Variants in FDX1 observed in about 807,000 individuals in gnomAD.
FDX1 encodes adrenodoxin, mitochondrial.
Under a neutral mutation model 14.9 loss-of-function variants are expected in FDX1, and 9 were observed. The observed-to-expected ratio is 0.60, with a 90% CI of 0.36 to 1.05. The LOEUF (loss-of-function observed/expected upper bound fraction) is 1.05, where lower values mean the gene tolerates loss of function less well. Ranked by LOEUF, FDX1 falls within the 50% of genes least tolerant of loss-of-function variation. The pLI, the probability that FDX1 is intolerant of heterozygous loss-of-function variation, is 0.01. For missense variants in FDX1, 204 were observed against 237.2 expected, an observed-to-expected ratio of 0.86 and a Z score of 0.92; for synonymous variants, 92 against 99.4, an observed-to-expected ratio of 0.93 and a Z score of 0.44.
Position 110,457,037 on chromosome 11 carries a change from C to T in FDX1, c.430C>T (p.Leu144=), listed in dbSNP as rs146914687. ...TGACATGCTCGATCTGGCATATGGA[C>T]TAACAGACAGGTAAGATTTTTGGAC... is the stretch of plus-strand genomic sequence containing the variant. The part of the protein sequence containing the change: ...ENDMLDLAYG[L]TDRSRLGCQI... Residue 144 remains leucine (L), a synonymous_variant, in exon 3 of 4, where the codon CTA becomes TTA. Coordinates refer to ENST00000260270, the MANE Select transcript of FDX1 (RefSeq NM_004109.5). 174 of 1,609,810 alleles carry T rather than the reference C, an allele frequency of 1.1e-4. No individual in the cohort carries two copies. The highest frequency in any genetic ancestry group is 1.4e-5 in the Non-Finnish European group (17 of 1,177,480).
At chr11:110,444,687 CGTAT>C (rs1422422369) in intron 2 of FDX1, among the ~76,000 whole-genome samples, 1 of 29,530 alleles carries the variant, frequency 3.4e-5, no homozygotes, top group African/African-American at 2.1e-4. Context: ...TATATATACA[CGTAT>C]ATATATATAT....
At chr11:110,453,146 G>A (rs770685936) in intron 2 of FDX1, among the ~76,000 whole-genome samples, 1 of 152,122 alleles carries the variant, frequency 6.6e-6, no homozygotes, top group Non-Finnish European at 1.5e-5. Flanking sequence ...AGACCAGCCT[G>A]GACAACATGG....
intron 2 of FDX1, among the ~76,000 whole-genome samples, chr11:110,449,809 G>A (rs1007673828): frequency 1.3e-5 from 2 of 152,076 alleles, no homozygotes; most frequent in Admixed American, 1.3e-4. Context: ...TGTATTTTTA[G>A]TAAAGATGGG....
intron 1 of FDX1, among the ~76,000 whole-genome samples, chr11:110,431,010 C>G (rs774889291): frequency 6.6e-6 from 1 of 151,860 alleles, no homozygotes; most frequent in Non-Finnish European, 1.5e-5. Flanking sequence ...TGTAGACCTC[C>G]TATGGTTAAT....
chr11:110,447,273 CAAAAAAAAAAAAAAAAAA>C (rs541827807), intron 2 of FDX1, among the ~76,000 whole-genome samples: 34,517 of 76,694 alleles, frequency 0.45, 4,988 homozygotes, highest in Admixed American at 0.55. Flanking sequence ...ACTAAAAATA[CAAAAAAAAAAAAAAAAAA>C]AAAAAAAAAA....
At chr11:110,432,388 C>T (rs1561923) in intron 1 of FDX1, among the ~76,000 whole-genome samples, 49,416 of 151,734 alleles carry the variant, frequency 0.33, 8,135 homozygotes, top group East Asian at 0.39. Context: ...GAAGTTTTTG[C>T]GGATTTTAAA....
Position 110,450,603 on chromosome 11 carries a change from T to C in FDX1, c.311-6315T>C, listed in dbSNP as rs182442938. Among the ~76,000 whole-genome samples, 6 of 152,356 alleles carry C rather than the reference T, an allele frequency of 3.9e-5. No homozygotes were observed. The East Asian group carries it at 1.2e-3, about 29-fold the overall frequency. ...ACATAGTAATGAAAAGAATTTTACA[T>C]CAAACATTTGTTCTACTTAAGTATA... On this transcript the variant is annotated intron_variant, in intron 2 of 3. Transcript: ENST00000260270.
chr11:110,453,127 A>T (rs1197687692), intron 2 of FDX1, among the ~76,000 whole-genome samples: 6 of 152,108 alleles, frequency 3.9e-5, no homozygotes, highest in African/African-American at 1.4e-4. Context: ...ACCTGAGGTC[A>T]GGAGTTTGAG....
Position 110,451,509 on chromosome 11 carries a change from A to G in FDX1, c.311-5409A>G, listed in dbSNP as rs148893827. Among the ~76,000 whole-genome samples the G allele has an allele frequency of 4.4e-3, 677 of 152,298 alleles. 6 individuals are homozygous for G. The highest frequency in any genetic ancestry group is 0.016 in the African/African-American group (646 of 41,566). ...GGTGGGAATGAAAATTAGTTCAACC[A>G]TTGTGGAAGACAGTGTGGTGATTCC... On this transcript the variant is annotated intron_variant, in intron 2 of 3. Coordinates refer to ENST00000260270, the MANE Select transcript of FDX1 (RefSeq NM_004109.5).
In FDX1 at chr11:110,432,818, A is replaced by T. The variant is rs1368052288; in HGVS notation, c.185+2513A>T. On this transcript the variant is annotated intron_variant, in intron 1 of 3. Transcript: ENST00000260270. ...AGGTTCCATACTCTTTCAACTTAAG[A>T]ATTACATTTTTCTTTCGTTTCCGCC... Among the ~76,000 whole-genome samples the T allele has an allele frequency of 3.9e-5, 6 of 152,154 alleles. No homozygotes were observed. The East Asian group carries it at 1.2e-3, about 29-fold the overall frequency.
At chr11:110,459,811 A>G (rs1275016360) in intron 3 of FDX1, among the ~76,000 whole-genome samples, 1 of 152,188 alleles carries the variant, frequency 6.6e-6, no homozygotes, top group Non-Finnish European at 1.5e-5. Flanking sequence ...GAGATCTTTA[A>G]GGAGGTAGAA....
At chr11:110,446,084 A>G (rs1437626396) in intron 2 of FDX1, among the ~76,000 whole-genome samples, 3 of 152,220 alleles carry the variant, frequency 2.0e-5, no homozygotes, top group African/African-American at 7.2e-5. Context: ...GTATCCTGAC[A>G]TGTCCACAAA....
chr11:110,431,541 A>G (rs1217844311), intron 1 of FDX1, among the ~76,000 whole-genome samples: 1 of 152,194 alleles, frequency 6.6e-6, no homozygotes, highest in Non-Finnish European at 1.5e-5. Flanking sequence ...ATCAGGGAGA[A>G]GGCAAGCCAG....
At chr11:110,453,896 A>G (rs1197974667) in intron 2 of FDX1, among the ~76,000 whole-genome samples, 1 of 152,158 alleles carries the variant, frequency 6.6e-6, no homozygotes, top group Non-Finnish European at 1.5e-5. Context: ...GCTCTCTCAC[A>G]TAGGCTGGTT....
intron 2 of FDX1, among the ~76,000 whole-genome samples, chr11:110,438,610 G>A (rs1946385707): frequency 1.3e-5 from 2 of 151,878 alleles, no homozygotes; most frequent in South Asian, 2.1e-4. Context: ...ATTTTTAGTA[G>A]TTTTATATTT....
intron 1 of FDX1, among the ~76,000 whole-genome samples, chr11:110,432,805 C>CT (rs1946340140): frequency 6.6e-6 from 1 of 152,206 alleles, no homozygotes; most frequent in South Asian, 2.1e-4. Context: ...GTTCCATACT[C>CT]TTTCAACTTA....
chr11:110,433,265 A>G (rs183989591), intron 1 of FDX1, among the ~76,000 whole-genome samples: 4 of 152,368 alleles, frequency 2.6e-5, no homozygotes, highest in East Asian at 3.9e-4. Context: ...GCTCAGACCC[A>G]TACCCATATT....
At chr11:110,453,533 C>T (rs7112361) in intron 2 of FDX1, among the ~76,000 whole-genome samples, 3,538 of 150,136 alleles carry the variant, frequency 0.024, 151 homozygotes, top group African/African-American at 0.079. Context: ...TTTTTTATAC[C>T]CAAATATTTA....
At chr11:110,450,037 C>G (rs943448519) in intron 2 of FDX1, among the ~76,000 whole-genome samples, 1 of 152,118 alleles carries the variant, frequency 6.6e-6, no homozygotes, top group South Asian at 2.1e-4. Flanking sequence ...TGGTAACTAC[C>G]GTTGTATTTT....
Sources: allele counts gnomAD v4.1 joint callset (sites outside exome capture counted in the v4.1 genomes callset), GRCh38; gene constraint gnomAD v4.1.1; transcripts MANE v1.5; gene names NCBI Gene and HGNC (gene_info 2026-07-23, HGNC 2026-07-21).